The following ADAD1 variants were observed in gnomAD, a reference collection of about 807,000 sequenced individuals.
ADAD1 encodes the protein adenosine deaminase domain containing 1.
In ADAD1, 46 loss-of-function variants were observed where a neutral mutation model predicts 66.8. The observed-to-expected ratio is 0.69, with a 90% CI of 0.54 to 0.88. The LOEUF (loss-of-function observed/expected upper bound fraction) is 0.88, where lower values mean the gene tolerates loss of function less well. ADAD1 is among the 40% of genes least tolerant of loss of function. ADAD1 has a pLI of 0.00. For missense variants in ADAD1, 617 were observed against 681.8 expected (o/e 0.91, Z 1.06); for synonymous variants, 248 against 229.4 (o/e 1.08, Z -0.73).
chr4:122,424,489 T>C (rs1430655077), intron 12 of ADAD1, among the ~76,000 whole-genome samples: 1 of 152,154 alleles, frequency 6.6e-6, no homozygotes, highest in African/African-American at 2.4e-5. Flanking sequence ...AGTTGCTGTT[T>C]TACCATAAGC....
rs145118579 is a variant in ADAD1, at chr4:122,412,817, G to A, written c.1249+8G>A. 6 of 1,608,922 alleles carry A rather than the reference G, an allele frequency of 3.7e-6. No homozygotes were observed. The African/African-American group carries it at 4.0e-5, about 11-fold the overall frequency. On this transcript the variant is annotated splice_region_variant and intron_variant, in intron 10 of 12. Coordinates refer to ENST00000296513, the MANE Select transcript of ADAD1 (RefSeq NM_139243.4). ...TCAGCAGTATACTTATTGGTGAGTG[G>A]GATTTCAGAACCTCCTGGGCCTCTC... is the stretch of plus-strand genomic sequence containing the variant.
chr4:122,398,422 T>G (rs1375718539), intron 7 of ADAD1, among the ~76,000 whole-genome samples: 3 of 152,114 alleles, frequency 2.0e-5, no homozygotes, highest in Non-Finnish European at 4.4e-5. Flanking sequence ...AGTTGCAAAT[T>G]GTGCTGCTAT....
chr4:122,394,428 G>C (rs1795600994), intron 6 of ADAD1, among the ~76,000 whole-genome samples: 1 of 152,100 alleles, frequency 6.6e-6, no homozygotes, highest in Admixed American at 6.5e-5. Flanking sequence ...AAAAGGAAAG[G>C]AGCCTTTATT....
intron 12 of ADAD1, among the ~76,000 whole-genome samples, chr4:122,424,441 C>A (rs908810498): frequency 2.6e-5 from 4 of 152,000 alleles, no homozygotes; most frequent in African/African-American, 9.7e-5. Flanking sequence ...GACAATATAA[C>A]AAAGGATTTG....
At chr4:122,387,576 T>C (rs1043133687) in intron 5 of ADAD1, among the ~76,000 whole-genome samples, 36 of 152,154 alleles carry the variant, frequency 2.4e-4, no homozygotes, top group African/African-American at 8.7e-4. Context: ...CAAAACTATG[T>C]TGAATAGGAG....
At chr4:122,392,602 A>T (rs898620452) in intron 5 of ADAD1, among the ~76,000 whole-genome samples, 7 of 152,162 alleles carry the variant, frequency 4.6e-5, no homozygotes, top group Non-Finnish European at 8.8e-5. Context: ...TTTGGATACT[A>T]TGGTCACTAT....
At chr4:122,400,330 C>T (rs1471825630) in intron 7 of ADAD1, among the ~76,000 whole-genome samples, 2 of 152,122 alleles carry the variant, frequency 1.3e-5, no homozygotes, top group African/African-American at 4.8e-5. Context: ...ATATGTTAAA[C>T]CATCCCTACA....
At chr4:122,411,475 T>C (rs919974492) in intron 9 of ADAD1, 83 bp downstream of exon 9, 16 of 1,315,540 alleles carry the variant, frequency 1.2e-5, no homozygotes, top group Non-Finnish European at 1.7e-5. Flanking sequence ...ATAGAACATA[T>C]AAATTCTAAT....
At chr4:122,417,394 T>TTCAG (rs1796787859) in intron 11 of ADAD1, among the ~76,000 whole-genome samples, 1 of 147,704 alleles carries the variant, frequency 6.8e-6, no homozygotes, top group Admixed American at 6.7e-5. Context: ...CAAGGTGTAA[T>TTCAG]TCAGTCTCAA....
At chr4:122,429,091 G>A (rs1797391739) in intron 12 of ADAD1, among the ~76,000 whole-genome samples, 1 of 150,858 alleles carries the variant, frequency 6.6e-6, no homozygotes, top group Non-Finnish European at 1.5e-5. Context: ...CAAATTTTCT[G>A]CAATTAGTAT....
Position 122,385,205 on chromosome 4 carries a change from CTG to C in ADAD1, c.529+1241_529+1242del, listed in dbSNP as rs577355144. Among the ~76,000 whole-genome samples the C allele has an allele frequency of 3.5e-3, 533 of 152,202 alleles. 3 individuals carry two copies. Among genetic ancestry groups the C allele is most frequent in the African/African-American group, 0.011 (474 of 41,538 alleles). On this transcript the variant is annotated intron_variant, in intron 5 of 12. Coordinates refer to ENST00000296513, the MANE Select transcript of ADAD1 (RefSeq NM_139243.4). ...TTTTTTCAAAATTTTGAGCTCATCA[CTG>C]TTTTAAAATTATTTTTCATGTATAT...
intron 6 of ADAD1, among the ~76,000 whole-genome samples, chr4:122,394,703 G>A (rs1795614883): frequency 6.6e-6 from 1 of 152,186 alleles, no homozygotes; most frequent in Admixed American, 6.5e-5. Context: ...ATGGGAAGAG[G>A]TTCTTGTCTT....
At chr4:122,421,234 TA>T (rs751523750) in intron 11 of ADAD1, 26 bp from the exon 12 acceptor site, 2 of 1,501,944 alleles carry the variant, frequency 1.3e-6, no homozygotes, top group South Asian at 2.8e-5. Flanking sequence ...AAAAGAAATT[TA>T]AAAAATTTTA....
chr4:122,428,777 A>G (rs529428939), intron 12 of ADAD1, among the ~76,000 whole-genome samples: 61 of 152,276 alleles, frequency 4.0e-4, no homozygotes, highest in African/African-American at 8.2e-4. Context: ...AGGTGAGTAC[A>G]GTGGAACTTT....
chr4:122,396,973 G>A lies in ADAD1; in HGVS notation c.724+596G>A, dbSNP rs1374577818. On this transcript the variant is annotated intron_variant, in intron 7 of 12. Transcript: ENST00000296513. ...ACTTGTTTTCCATAATGCAAAAAGT[G>A]TGTGAGAATTCATAGATAGGAAAGA... Among the ~76,000 whole-genome samples the A allele has an allele frequency of 2.0e-5, 3 of 152,166 alleles. No individual in the cohort carries two copies. The East Asian group carries it at 5.8e-4, about 29-fold the overall frequency.
intron 1 of ADAD1, 36 bp downstream of exon 1, chr4:122,379,151 G>A (rs1561525412): frequency 6.6e-6 from 1 of 152,352 alleles, no homozygotes; most frequent in Non-Finnish European, 1.5e-5. Flanking sequence ...CTCTGGGGAA[G>A]GAGGCCCCAG....
chr4:122,388,506 T>C (rs1795283008), intron 5 of ADAD1, among the ~76,000 whole-genome samples: 1 of 152,198 alleles, frequency 6.6e-6, no homozygotes, highest in East Asian at 1.9e-4. Flanking sequence ...CTGGACTTTT[T>C]TTTGGTTGGT....
intron 4 of ADAD1, among the ~76,000 whole-genome samples, chr4:122,382,012 CTG>C (rs2150526593): frequency 6.6e-6 from 1 of 152,276 alleles, no homozygotes; most frequent in East Asian, 1.9e-4. Context: ...AAGTTTCAGT[CTG>C]TTGTTTTAGG....
chr4:122,421,410 A>C lies in ADAD1; in HGVS notation c.1617+20A>C. ...GCTAAGGTAAGTCCTTAAAGGAATA[A>C]AGTTATCATAGGAATAAAATTTAAG... On this transcript the variant is annotated intron_variant, in intron 12 of 12. Coordinates refer to ENST00000296513, the MANE Select transcript of ADAD1 (RefSeq NM_139243.4). 6.6e-7 allele frequency: 1 copy of C among 1,508,012 alleles called. No individual in the cohort carries two copies. Among genetic ancestry groups the C allele is most frequent in the Non-Finnish European group, 9.0e-7 (1 of 1,116,782 alleles). 93.4% of individuals were successfully genotyped at this position (1,508,012 alleles called of 1,614,324 possible).
Sources: gnomAD v4.1 joint callset for allele counts (sites outside exome capture counted in the v4.1 genomes callset) on GRCh38, gnomAD v4.1.1 for gene constraint, MANE v1.5 for transcripts, NCBI Gene and HGNC (gene_info 2026-07-23, HGNC 2026-07-21) for gene names.